GPR174: variants seen among roughly 807,000 people sequenced by gnomAD.
GPR174 encodes probable G protein-coupled receptor 174.
In GPR174, 8 loss-of-function variants were observed where a neutral mutation model predicts 16.5. The observed-to-expected ratio is 0.48, with a 90% CI of 0.28 to 0.87. The LOEUF (loss-of-function observed/expected upper bound fraction) is 0.87, where lower values mean the gene tolerates loss of function less well. Ranked by LOEUF, GPR174 falls within the 40% of genes least tolerant of loss-of-function variation. The pLI is 0.09. For synonymous variants in GPR174, 111 were observed against 94.8 expected (o/e 1.17, Z -0.99); for missense variants, 214 against 247.5 (o/e 0.86, Z 0.91).
rs1267706145 is a variant in GPR174, at chrX:79,156,870, C to T, written c.-605C>T. ...GATTCTCCAACACTTCCTCAGGAGA[C>T]CCTATTGCTCTGATCAAGAAGTTCC... On this transcript the variant is annotated 5_prime_UTR_variant, in exon 2 of 3. Coordinates refer to ENST00000645147, the MANE Select transcript of GPR174 (RefSeq NM_032553.3). The T allele has an allele frequency of 8.9e-6, 1 of 112,066 alleles. No individual in the cohort carries two copies. The highest frequency in any genetic ancestry group is 1.9e-5 in the Non-Finnish European group (1 of 53,198). 9.2% of individuals were successfully genotyped at this position (112,066 alleles called of 1,213,427 possible).
chrX:79,164,803 T>C (rs945493739), intron 2 of GPR174, among the ~76,000 whole-genome samples: 3 of 111,531 alleles, frequency 2.7e-5, no homozygotes, highest in African/African-American at 9.8e-5. Context: ...TAGCAAAAGA[T>C]AAAACTGTGC....
At chrX:79,159,288 C>A (rs1921176385) in intron 2 of GPR174, among the ~76,000 whole-genome samples, 1 of 111,082 alleles carries the variant, frequency 9.0e-6, no homozygotes, top group African/African-American at 3.3e-5. Context: ...ATTACTACTA[C>A]CAAACAAAAA....
chrX:79,151,213 C>T (rs1401348908), intron 1 of GPR174, among the ~76,000 whole-genome samples: 3 of 111,201 alleles, frequency 2.7e-5, no homozygotes, highest in Non-Finnish European at 5.7e-5. Flanking sequence ...GTACACTTAA[C>T]GATATACTAA....
chrX:79,149,427 A>G (rs1163057303), intron 1 of GPR174, among the ~76,000 whole-genome samples: 2 of 112,118 alleles, frequency 1.8e-5, no homozygotes, highest in African/African-American at 3.2e-5. Flanking sequence ...AACTAACTCA[A>G]TTTAACAAAG....
chrX:79,147,515 A>AAAT, intron 1 of GPR174, among the ~76,000 whole-genome samples: 1 of 105,837 alleles, frequency 9.4e-6, no homozygotes, highest in African/African-American at 3.4e-5. Context: ...TAGAAAAAAA[A>AAAT]AAAAACCCAA....
intron 2 of GPR174, among the ~76,000 whole-genome samples, chrX:79,160,367 A>G (rs966574982): frequency 8.9e-6 from 1 of 111,768 alleles, no homozygotes; most frequent in Non-Finnish European, 1.9e-5. Context: ...CAAAAATTGA[A>G]ATACACATAT....
chrX:79,148,180 C>A (rs1053955310), intron 1 of GPR174, among the ~76,000 whole-genome samples: 1 of 111,234 alleles, frequency 9.0e-6, no homozygotes, highest in Non-Finnish European at 1.9e-5. Flanking sequence ...TTGTGCCCAC[C>A]GTGGGAGCCA....
chrX:79,148,426 A>G (rs1230677195), intron 1 of GPR174, among the ~76,000 whole-genome samples: 1 of 112,267 alleles, frequency 8.9e-6, no homozygotes, highest in Non-Finnish European at 1.9e-5. Context: ...TATTGTTATT[A>G]TTATTTAGCT....
chrX:79,174,759 T>G lies in GPR174; in HGVS notation c.*2750T>G, dbSNP rs890585325. The G allele has an allele frequency of 1.1e-4, 12 of 111,006 alleles. No homozygotes were observed. The highest frequency in any genetic ancestry group is 1.5e-4 in the Non-Finnish European group (8 of 53,067). The allele number at this position is 111,006 out of a possible 1,213,427, so 9.1% of individuals were successfully genotyped here. A position where few individuals can be genotyped will look rare whatever the true frequency, so the allele number is the denominator to read the frequency against. ...AGTCTAAACTAGTAGCTTACTAATT[T>G]AGGAGTACTGGTGCAGCTACGATCC... On this transcript the variant is annotated 3_prime_UTR_variant, in exon 3 of 3. Coordinates refer to ENST00000645147, the MANE Select transcript of GPR174 (RefSeq NM_032553.3).
At chrX:79,152,602 TC>T (rs1926623746) in intron 1 of GPR174, among the ~76,000 whole-genome samples, 1 of 111,633 alleles carries the variant, frequency 9.0e-6, no homozygotes, top group Non-Finnish European at 1.9e-5. Context: ...CTGTCTGTGC[TC>T]CCTCTCCAAG....
intron 1 of GPR174, among the ~76,000 whole-genome samples, chrX:79,154,032 A>G (rs1921038257): frequency 1.8e-5 from 2 of 111,997 alleles, no homozygotes; most frequent in Admixed American, 1.9e-4. Flanking sequence ...ATGAGAAAAT[A>G]TTATAAGCCT....
At position 79,172,088 on chromosome X, in the gene GPR174, A is replaced by G; in HGVS notation, c.*79A>G. ...TGCAATACCCAAGCCACAGGGAAGA[A>G]CTTGCAAAACAACACAGCTTTTCAG... On this transcript the variant is annotated 3_prime_UTR_variant, in exon 3 of 3. Transcript: ENST00000645147. 1 of 1,003,288 alleles carries G rather than the reference A, an allele frequency of 1.0e-6. No individual in the cohort carries two copies. Among genetic ancestry groups the G allele is most frequent in the Non-Finnish European group, 1.4e-6 (1 of 739,253 alleles). 82.7% of individuals were successfully genotyped at this position (1,003,288 alleles called of 1,213,427 possible). A position where few individuals can be genotyped will look rare whatever the true frequency, so the allele number is the denominator to read the frequency against.
chrX:79,149,579 C>T (rs1323222396), intron 1 of GPR174, among the ~76,000 whole-genome samples: 1 of 111,700 alleles, frequency 9.0e-6, no homozygotes, highest in Non-Finnish European at 1.9e-5. Context: ...GCTATGACTT[C>T]TAAAAGTTTA....
In GPR174 at chrX:79,175,047, G is replaced by T. The variant is rs765886704; in HGVS notation, c.*3038G>T. ...ATTGTTATTATTATTATATTCAAAT[G>T]GTTTATATGTTTTCATTGTCACTCA... On this transcript the variant is annotated 3_prime_UTR_variant, in exon 3 of 3. Transcript: ENST00000645147. The T allele has an allele frequency of 2.7e-5, 3 of 111,432 alleles. No individual in the cohort carries two copies. The highest frequency in any genetic ancestry group is 9.8e-5 in the African/African-American group (3 of 30,685). 9.2% of individuals were successfully genotyped at this position (111,432 alleles called of 1,213,427 possible).
intron 1 of GPR174, among the ~76,000 whole-genome samples, chrX:79,148,158 C>T (rs180842207): frequency 8.0e-4 from 89 of 111,442 alleles, no homozygotes; most frequent in African/African-American, 2.7e-3. Flanking sequence ...GTGGGTCATG[C>T]GGAAGCATGA....
In GPR174 at chrX:79,171,745, T is replaced by C; in HGVS notation, c.738T>C (p.Tyr246=). The C allele has an allele frequency of 8.3e-7, 1 of 1,211,555 alleles. No homozygotes were observed. Among genetic ancestry groups the C allele is most frequent in the South Asian group, 1.8e-5 (1 of 56,973 alleles). The change falls in exon 3 of 3, where the codon TAT becomes TAC. Residue 246 remains tyrosine, a synonymous_variant. Transcript: ENST00000645147. ...AGVFLICFAP[Y]HFSFPLDFLV... Reference sequence around the variant, plus strand: ...TATTCCTAATTTGCTTTGCACCTTATCATTTCAGTTTTCCTTTAGATTTCC... The same window carrying C: ...TATTCCTAATTTGCTTTGCACCTTACCATTTCAGTTTTCCTTTAGATTTCC...
chrX:79,154,406 G>T (rs1299170080), intron 1 of GPR174, among the ~76,000 whole-genome samples: 1 of 111,703 alleles, frequency 9.0e-6, no homozygotes, highest in African/African-American at 3.3e-5. Context: ...AAGCATAAAA[G>T]TAGAAACACT....
chrX:79,154,493 A>C (rs1211134771), intron 1 of GPR174, among the ~76,000 whole-genome samples: 1 of 111,697 alleles, frequency 9.0e-6, no homozygotes, highest in Non-Finnish European at 1.9e-5. Flanking sequence ...TCTGCTTAGG[A>C]CTATGGGTCT....
chrX:79,159,637 C>G (rs1921185537), intron 2 of GPR174, among the ~76,000 whole-genome samples: 1 of 111,726 alleles, frequency 9.0e-6, no homozygotes, highest in African/African-American at 3.3e-5. Flanking sequence ...GTGGCAGAGA[C>G]AAGATTTGAA....
Sources: allele counts gnomAD v4.1 joint callset (sites outside exome capture counted in the v4.1 genomes callset), GRCh38; gene constraint gnomAD v4.1.1; transcripts MANE v1.5; gene names NCBI Gene and HGNC (gene_info 2026-07-23, HGNC 2026-07-21).